The following ARHGAP20 variants were observed in gnomAD, a reference collection of about 807,000 sequenced individuals.
ARHGAP20 encodes Rho GTPase activating protein 20.
A neutral mutation model predicts 73.7 loss-of-function variants in ARHGAP20; 34 were observed. The observed-to-expected ratio is 0.46, with a 90% CI of 0.35 to 0.61. The LOEUF is 0.61. Ranked by LOEUF, ARHGAP20 falls within the 20% of genes least tolerant of loss-of-function variation. ARHGAP20 has a pLI of 0.00. For synonymous variants in ARHGAP20, 523 were observed against 518.2 expected (o/e 1.01, Z -0.13); for missense variants, 1,314 against 1,420.9 (o/e 0.92, Z 1.21).
intron 2 of ARHGAP20, among the ~76,000 whole-genome samples, chr11:110,655,963 C>G (rs764694327): frequency 6.6e-6 from 1 of 152,142 alleles, no homozygotes; most frequent in Admixed American, 6.6e-5. Context: ...TCATACGAGA[C>G]ATGAGAACAA....
intron 2 of ARHGAP20, among the ~76,000 whole-genome samples, chr11:110,638,874 T>C (rs1470570993): frequency 6.6e-6 from 1 of 151,888 alleles, no homozygotes; most frequent in Non-Finnish European, 1.5e-5. Context: ...TGGGGAGGGA[T>C]AGCATTAGGA....
At chr11:110,690,747 C>A (rs1950227265) in intron 1 of ARHGAP20, 118 bp from the exon 2 acceptor site, 6 of 1,003,760 alleles carry the variant, frequency 6.0e-6, no homozygotes, top group South Asian at 2.9e-5. Context: ...TGTCAAGGAG[C>A]CTACAGTTTC....
At chr11:110,648,240 AATATATATATGTAAAT>A (rs1236300362) in intron 2 of ARHGAP20, among the ~76,000 whole-genome samples, 32 of 92,718 alleles carry the variant, frequency 3.5e-4, no homozygotes, top group African/African-American at 1.1e-3. Flanking sequence ...TATATATGTA[AATATATATATGTAAAT>A]ATATATATGT....
intron 11 of ARHGAP20, among the ~76,000 whole-genome samples, chr11:110,586,931 G>A (rs1419006510): frequency 1.3e-5 from 2 of 151,728 alleles, no homozygotes; most frequent in Non-Finnish European, 2.9e-5. Context: ...GAGAGAGAGA[G>A]CATTTCAGGT....
At chr11:110,696,256 C>T (rs1950333779) in intron 1 of ARHGAP20, among the ~76,000 whole-genome samples, 1 of 151,454 alleles carries the variant, frequency 6.6e-6, no homozygotes, top group African/African-American at 2.4e-5. Context: ...GATGAATGTA[C>T]AATTCTATGA....
chr11:110,594,292 C>A (rs750257993), intron 9 of ARHGAP20, among the ~76,000 whole-genome samples: 1 of 152,176 alleles, frequency 6.6e-6, no homozygotes, highest in Admixed American at 6.5e-5. Flanking sequence ...GAGTCAGGAG[C>A]CTCTCTGCAC....
intron 2 of ARHGAP20, among the ~76,000 whole-genome samples, chr11:110,688,973 C>T (rs755506341): frequency 1.5e-4 from 23 of 150,296 alleles, no homozygotes; most frequent in South Asian, 6.3e-4. Context: ...ATTTTTAATA[C>T]TGAAAAACTT....
At chr11:110,702,335 A>G (rs1196255380) in intron 1 of ARHGAP20, among the ~76,000 whole-genome samples, 3 of 152,100 alleles carry the variant, frequency 2.0e-5, no homozygotes, top group Admixed American at 1.3e-4. Flanking sequence ...AAATTCAACA[A>G]CCCTTCATGC....
At chr11:110,646,344 A>G (rs1468288360) in intron 2 of ARHGAP20, among the ~76,000 whole-genome samples, 1 of 152,128 alleles carries the variant, frequency 6.6e-6, no homozygotes, top group Non-Finnish European at 1.5e-5. Flanking sequence ...TTGAAAGGAA[A>G]CTTTTAACTA....
Position 110,617,891 on chromosome 11 carries a change from C to T in ARHGAP20, c.504-2297G>A, listed in dbSNP as rs76532121. ...ATCTTGGAAAATAAAATAAAAAGGG[C>T]ATGGCAGATTAGAAGATTCTCTCAA... On this transcript the variant is annotated intron_variant, in intron 4 of 14. Coordinates refer to ENST00000683387, the MANE Select transcript of ARHGAP20 (RefSeq NM_001384657.1). Among the ~76,000 whole-genome samples, 1,084 of 152,214 alleles carry T rather than the reference C, an allele frequency of 7.1e-3. 16 individuals are homozygous for T. The highest frequency in any genetic ancestry group is 0.025 in the African/African-American group (1,026 of 41,524).
chr11:110,626,469 C>T (rs538982694), intron 3 of ARHGAP20, among the ~76,000 whole-genome samples: 30 of 152,180 alleles, frequency 2.0e-4, no homozygotes, highest in Non-Finnish European at 1.3e-4. Flanking sequence ...GTTGTAAATA[C>T]TTTACACACA....
At chr11:110,671,282 A>G (rs1414542068) in intron 2 of ARHGAP20, among the ~76,000 whole-genome samples, 5 of 152,080 alleles carry the variant, frequency 3.3e-5, no homozygotes, top group African/African-American at 9.7e-5. Flanking sequence ...AAAGCATCTG[A>G]TGAAATTTAA....
intron 3 of ARHGAP20, among the ~76,000 whole-genome samples, chr11:110,628,127 C>T (rs1020031569): frequency 3.3e-5 from 5 of 152,146 alleles, no homozygotes; most frequent in African/African-American, 1.2e-4. Context: ...GATTATTTAT[C>T]CCTCTCAAGT....
chr11:110,686,526 T>C (rs1405080290), intron 2 of ARHGAP20, among the ~76,000 whole-genome samples: 1 of 152,174 alleles, frequency 6.6e-6, no homozygotes, highest in Non-Finnish European at 1.5e-5. Context: ...CTTTTGTCAA[T>C]TGTAAATACT....
At chr11:110,608,088 T>A (rs1948276331) in intron 8 of ARHGAP20, among the ~76,000 whole-genome samples, 1 of 152,160 alleles carries the variant, frequency 6.6e-6, no homozygotes, top group African/African-American at 2.4e-5. Context: ...TGGTTTTAGA[T>A]TACTAAGGTC....
At chr11:110,611,269 A>C in intron 7 of ARHGAP20, 40 bp downstream of exon 7, 1 of 1,292,564 alleles carries the variant, frequency 7.7e-7, no homozygotes. Context: ...AAATAATCAA[A>C]GTTTATTTTT....
chr11:110,607,125 G>A (rs1159721442), intron 8 of ARHGAP20, among the ~76,000 whole-genome samples: 1 of 152,010 alleles, frequency 6.6e-6, no homozygotes, highest in African/African-American at 2.4e-5. Context: ...GCAAATACAT[G>A]TCCTTGCTCA....
chr11:110,648,221 G>GTAAATA (rs1949257915), intron 2 of ARHGAP20, among the ~76,000 whole-genome samples: 1 of 76,668 alleles, frequency 1.3e-5, no homozygotes, highest in Non-Finnish European at 2.8e-5. Flanking sequence ...ATATATATAT[G>GTAAATA]TATATATATA....
rs755925518 is a variant in ARHGAP20, at chr11:110,580,578, C to G, written c.2368G>C (p.Val790Leu). ...KSLSGSEGNHVKLFPKSKPVA... is the reference protein window; with the variant it reads ...KSLSGSEGNHLKLFPKSKPVA... ...GGCTTAGACTTAGGGAAAAGTTTCA[C>G]GTGATTTCCTTCACTACCAGACAAG... The change falls in exon 15 of 15, where the codon GTG becomes CTG. Residue 790 changes from valine (V) to leucine (L), a missense_variant. Transcript: ENST00000683387. The G allele has an allele frequency of 6.2e-7, 1 of 1,614,210 alleles. No individual in the cohort carries two copies. The highest frequency in any genetic ancestry group is 1.3e-5 in the African/African-American group (1 of 75,058).
Sources: allele counts gnomAD v4.1 joint callset (sites outside exome capture counted in the v4.1 genomes callset), GRCh38; gene constraint gnomAD v4.1.1; transcripts MANE v1.5; gene names NCBI Gene and HGNC (gene_info 2026-07-23, HGNC 2026-07-21).